The following EYS variants were observed in gnomAD, a reference collection of about 807,000 sequenced individuals.
The protein encoded by EYS is protein eyes shut homolog.
EYS carries 250 observed loss-of-function variants against 282.1 expected under a neutral mutation model. The ratio of observed to expected loss-of-function variants is 0.89; its 90% CI spans 0.80 to 0.98. EYS has a LOEUF of 0.98. Among genes scored for constraint, EYS ranks in the 50% least tolerant of loss-of-function variants. The pLI, the probability that EYS is intolerant of heterozygous loss-of-function variation, is 0.00. For synonymous variants in EYS, 1,355 were observed against 1,282.9 expected (o/e 1.06, Z -1.20); for missense variants, 4,016 against 3,709.0 (o/e 1.08, Z -2.15).
intron 2 of EYS, among the ~76,000 whole-genome samples, chr6:65,635,111 T>G (rs927975776): frequency 9.9e-5 from 15 of 152,174 alleles, no homozygotes; most frequent in African/African-American, 3.6e-4. Flanking sequence ...TCAACATCTT[T>G]GTCACATAAG....
intron 29 of EYS, among the ~76,000 whole-genome samples, chr6:64,370,115 G>GCTTTA (rs1772315505): frequency 6.6e-6 from 1 of 151,984 alleles, no homozygotes; most frequent in African/African-American, 2.4e-5. Context: ...CAGTTTTCAA[G>GCTTTA]GGGATTATTT....
intron 31 of EYS, among the ~76,000 whole-genome samples, chr6:64,160,366 G>A (rs549038387): frequency 2.6e-5 from 4 of 152,160 alleles, no homozygotes; most frequent in South Asian, 4.1e-4. Context: ...CATGTACTGA[G>A]TGTATCATTT....
chr6:64,944,109 G>T (rs906484017), intron 15 of EYS, among the ~76,000 whole-genome samples: 1 of 151,990 alleles, frequency 6.6e-6, no homozygotes, highest in African/African-American at 2.4e-5. Flanking sequence ...ACAAAAATAA[G>T]CAATAAGGGA....
At chr6:65,443,618 C>G (rs1359006221) in intron 5 of EYS, among the ~76,000 whole-genome samples, 1 of 150,210 alleles carries the variant, frequency 6.7e-6, no homozygotes, top group Non-Finnish European at 1.5e-5. Flanking sequence ...CATATACACA[C>G]ATATAAACAT....
At position 64,456,162 on chromosome 6, in the gene EYS, G is replaced by T. The variant is rs1218911172; in HGVS notation, c.5645-16810C>A. Among the ~76,000 whole-genome samples the T allele has an allele frequency of 2.0e-5, 3 of 152,016 alleles. No homozygotes were observed. The East Asian group carries it at 5.8e-4, about 29-fold the overall frequency. ...ACAAATTTGTGTAAGAGTTTTAGTT[G>T]ACCCACCACTCAAATTCCATGTCAA... On this transcript the variant is annotated intron_variant, in intron 26 of 42. Transcript: ENST00000503581.
intron 22 of EYS, among the ~76,000 whole-genome samples, chr6:64,723,327 C>G (rs1174256812): frequency 1.3e-5 from 2 of 152,016 alleles, no homozygotes; most frequent in African/African-American, 4.8e-5. Flanking sequence ...GGAAAAAATA[C>G]CAGAAATGAA....
rs905405608 is a variant in EYS at position 64,160,888 on chromosome 6, T to G, written c.6424+69704A>C. On this transcript the variant is annotated intron_variant, in intron 31 of 42. Transcript: ENST00000503581. ...TTCTTTGGGAACTACATAAACATACTTGTGTGAATGATGCCAGGACTGCTG... is the reference window on the plus strand; with the variant it reads ...TTCTTTGGGAACTACATAAACATACGTGTGTGAATGATGCCAGGACTGCTG... Among the ~76,000 whole-genome samples, 4 of 152,160 alleles carry G rather than the reference T, an allele frequency of 2.6e-5. No homozygotes were observed. In the East Asian group the frequency reaches 7.7e-4, roughly 29 times the overall value.
chr6:65,517,124 T>C (rs1767164320), intron 2 of EYS, among the ~76,000 whole-genome samples: 1 of 151,940 alleles, frequency 6.6e-6, no homozygotes, highest in Non-Finnish European at 1.5e-5. Flanking sequence ...GAAAAATACT[T>C]GCTCTTGGAA....
intron 29 of EYS, among the ~76,000 whole-genome samples, chr6:64,386,463 A>T (rs6902751): frequency 0.26 from 39,866 of 151,992 alleles, 5,665 homozygotes; most frequent in South Asian, 0.39. Context: ...CCTGAGACTT[A>T]TTCACTACCA....
chr6:64,962,948 A>G (rs115062836), intron 14 of EYS, among the ~76,000 whole-genome samples: 2,109 of 152,290 alleles, frequency 0.014, 27 homozygotes, highest in Non-Finnish European at 0.022. Context: ...CTATTATCAT[A>G]TCTCCTTGCT....
chr6:64,413,525 AAACAACAACAACAAC>A (rs140486442), intron 28 of EYS, among the ~76,000 whole-genome samples: 2,595 of 146,282 alleles, frequency 0.018, 68 homozygotes, highest in African/African-American at 0.062. Context: ...ATTCTTGTCC[AAACAACAACAACAAC>A]AACAACAACA....
intron 2 of EYS, among the ~76,000 whole-genome samples, chr6:65,534,359 G>A (rs1317210295): frequency 1.3e-5 from 2 of 152,102 alleles, no homozygotes; most frequent in Non-Finnish European, 2.9e-5. Context: ...AATAATCTCT[G>A]AGTGGTAAAG....
At chr6:64,867,113 C>A (rs903932319) in intron 19 of EYS, among the ~76,000 whole-genome samples, 3 of 151,680 alleles carry the variant, frequency 2.0e-5, no homozygotes, top group African/African-American at 7.2e-5. Context: ...TTAATTAAAT[C>A]CAGATATTTA....
At chr6:64,125,181 T>G (rs1017313914) in intron 31 of EYS, among the ~76,000 whole-genome samples, 6 of 150,548 alleles carry the variant, frequency 4.0e-5, no homozygotes, top group African/African-American at 1.2e-4. Context: ...TCTCTCGCTC[T>G]CTCTCTCTCT....
At chr6:64,205,844 CAT>C (rs1554218574) in intron 31 of EYS, among the ~76,000 whole-genome samples, 180 of 138,464 alleles carry the variant, frequency 1.3e-3, no homozygotes, top group African/African-American at 4.6e-3. Context: ...CACACACACA[CAT>C]ATATATATAT....
intron 26 of EYS, among the ~76,000 whole-genome samples, chr6:64,444,657 A>G (rs1181424863): frequency 6.6e-6 from 1 of 152,196 alleles, no homozygotes. Flanking sequence ...ATCTGAAAGC[A>G]CATACTATAG....
At chr6:65,443,875 T>A (rs750449895) in intron 5 of EYS, among the ~76,000 whole-genome samples, 1 of 151,806 alleles carries the variant, frequency 6.6e-6, no homozygotes, top group Non-Finnish European at 1.5e-5. Flanking sequence ...ATGAAAAAAA[T>A]CTAAGTTAAT....
chr6:65,339,787 C>G (rs549458184), intron 10 of EYS, among the ~76,000 whole-genome samples: 1 of 151,288 alleles, frequency 6.6e-6, no homozygotes, highest in African/African-American at 2.4e-5. Flanking sequence ...GTACTATTTT[C>G]TTTGATGTTT....
At chr6:63,988,109 T>C (rs1767449686) in intron 34 of EYS, among the ~76,000 whole-genome samples, 1 of 151,666 alleles carries the variant, frequency 6.6e-6, no homozygotes, top group Non-Finnish European at 1.5e-5. Context: ...TCAATAGAGC[T>C]GTCACATAGC....
Sources: allele counts gnomAD v4.1 joint callset (sites outside exome capture counted in the v4.1 genomes callset), GRCh38; gene constraint gnomAD v4.1.1; transcripts MANE v1.5; gene names NCBI Gene and HGNC (gene_info 2026-07-23, HGNC 2026-07-21).